The following MTUS1 variants were observed in gnomAD, a reference collection of about 807,000 sequenced individuals.
MTUS1 encodes microtubule-associated tumor suppressor 1.
Under a neutral mutation model 120.8 loss-of-function variants are expected in MTUS1, and 109 were observed. The ratio of observed to expected loss-of-function variants is 0.90; its 90% CI spans 0.77 to 1.06. The LOEUF (loss-of-function observed/expected upper bound fraction) is 1.06. Among genes scored for constraint, MTUS1 ranks in the 50% least tolerant of loss-of-function variants. The pLI, the probability that MTUS1 is intolerant of heterozygous loss-of-function variation, is 0.00. For synonymous variants in MTUS1, 737 were observed against 550.5 expected (o/e 1.34, Z -4.74); for missense variants, 2,210 against 1,486.3 (o/e 1.49, Z -8.01).
intron 1 of MTUS1, among the ~76,000 whole-genome samples, chr8:17,794,442 G>A (rs763470789): frequency 2.6e-5 from 4 of 152,014 alleles, no homozygotes; most frequent in Admixed American, 6.6e-5. Flanking sequence ...TATACACTAC[G>A]TATAAATGAC....
At position 17,741,717 on chromosome 8, in the gene MTUS1, T is replaced by A. The variant is rs2047331986; in HGVS notation, c.2287+1887A>T. On this transcript the variant is annotated intron_variant, in intron 3 of 14. Transcript: ENST00000693296. ...GTACTGGCCTCATTTCTTAAAAGTA[T>A]GTGCGCTTAGATTTTCTGGGATTCA... Among the ~76,000 whole-genome samples, 6 of 152,160 alleles carry A rather than the reference T, an allele frequency of 3.9e-5. No homozygotes were observed. The South Asian group carries it at 1.2e-3, about 31-fold the overall frequency.
At chr8:17,654,831 G>C (rs1807850877) in intron 9 of MTUS1, 165 bp from the exon 10 acceptor site, 3 of 604,846 alleles carry the variant, frequency 5.0e-6, no homozygotes, top group African/African-American at 1.8e-5. Flanking sequence ...GTTCACACTT[G>C]TAACCTCAGC....
At chr8:17,781,106 G>A (rs1309895599) in intron 1 of MTUS1, 2 of 152,174 alleles carry the variant, frequency 1.3e-5, no homozygotes, top group Admixed American at 6.5e-5. Flanking sequence ...ATAAGAGTGT[G>A]CCTGTTTTTG....
intron 8 of MTUS1, among the ~76,000 whole-genome samples, chr8:17,666,282 A>T (rs1242341644): frequency 6.2e-5 from 5 of 80,314 alleles, no homozygotes; most frequent in African/African-American, 1.0e-4. Flanking sequence ...GTTTCAATGT[A>T]AAAAAAAAAA....
chr8:17,684,577 T>C, intron 6 of MTUS1, 35 bp from the exon 7 acceptor site: 1 of 1,540,500 alleles, frequency 6.5e-7, no homozygotes. Flanking sequence ...CAAAGATAGG[T>C]GAGGTTAATT....
intron 3 of MTUS1, among the ~76,000 whole-genome samples, chr8:17,742,440 T>C (rs2047410107): frequency 6.6e-6 from 1 of 152,124 alleles, no homozygotes; most frequent in African/African-American, 2.4e-5. Flanking sequence ...ATCTCACTCA[T>C]GCCTTGACTC....
chr8:17,733,765 T>C (rs999979766), intron 3 of MTUS1, among the ~76,000 whole-genome samples: 2 of 152,210 alleles, frequency 1.3e-5, no homozygotes, highest in Admixed American at 6.5e-5. Flanking sequence ...ATTACTGACT[T>C]TGACCTCAAT....
At chr8:17,685,675 ATAAAC>A (rs1372363347) in intron 6 of MTUS1, among the ~76,000 whole-genome samples, 7 of 139,016 alleles carry the variant, frequency 5.0e-5, no homozygotes, top group Admixed American at 3.7e-4. Flanking sequence ...AATATATTGA[ATAAAC>A]TAAGTTAAAA....
intron 1 of MTUS1, among the ~76,000 whole-genome samples, chr8:17,770,900 C>T (rs1429020541): frequency 6.6e-6 from 1 of 152,140 alleles, no homozygotes; most frequent in Non-Finnish European, 1.5e-5. Context: ...GCACTTTTGC[C>T]TGTCAGATTA....
At chr8:17,795,546 ACT>A (rs1201458887) in intron 1 of MTUS1, among the ~76,000 whole-genome samples, 1 of 151,314 alleles carries the variant, frequency 6.6e-6, no homozygotes, top group Admixed American at 6.6e-5. Flanking sequence ...ATGAGTTCAC[ACT>A]GTGTCCTAGC....
chr8:17,693,126 G>A (rs1171277622), intron 6 of MTUS1: 1 of 152,096 alleles, frequency 6.6e-6, no homozygotes, highest in Admixed American at 6.6e-5. Flanking sequence ...ATGCTAAGTG[G>A]CAGGGAATAT....
At chr8:17,772,172 C>T (rs751069871) in intron 1 of MTUS1, among the ~76,000 whole-genome samples, 72 of 152,104 alleles carry the variant, frequency 4.7e-4, no homozygotes, top group Non-Finnish European at 8.2e-4. Flanking sequence ...AATTTTTATC[C>T]TTGAAATGGC....
At chr8:17,697,216 T>C (rs1818141471) in intron 6 of MTUS1, 3 of 1,545,750 alleles carry the variant, frequency 1.9e-6, no homozygotes, top group Non-Finnish European at 2.6e-6. Context: ...AATGAAGACA[T>C]CCCCCGTGCA....
chr8:17,727,036 G>A (rs2046270354), intron 3 of MTUS1, among the ~76,000 whole-genome samples: 1 of 152,118 alleles, frequency 6.6e-6, no homozygotes, highest in African/African-American at 2.4e-5. Context: ...CTAGAGGAAA[G>A]CTTACCCCGG....
In MTUS1 at chr8:17,756,111, G is replaced by C. The variant is rs560504984; in HGVS notation, c.-154-150C>G. ...GATGTGGGTAACTGAGATATAATCA[G>C]GCAATCTATCACCGCTTTTCAAGAT... is the stretch of plus-strand genomic sequence containing the variant. On this transcript the variant is annotated intron_variant, in intron 1 of 14. Coordinates refer to ENST00000693296, the MANE Select transcript of MTUS1 (RefSeq NM_001363059.2). 2.8e-5 allele frequency: 8 copies of C among 285,142 alleles called. No homozygotes were observed. In the East Asian group the frequency reaches 6.5e-4, roughly 23 times the overall value. The allele number at this position is 285,142 out of a possible 1,614,324, so 17.7% of individuals were successfully genotyped here.
intron 1 of MTUS1, among the ~76,000 whole-genome samples, chr8:17,790,338 A>T (rs2051669501): frequency 9.9e-6 from 1 of 101,048 alleles, no homozygotes; most frequent in Non-Finnish European, 2.4e-5. Flanking sequence ...ACAGAGCAAG[A>T]TTCCCTTTCA....
intron 6 of MTUS1, among the ~76,000 whole-genome samples, chr8:17,686,455 A>T (rs1046137946): frequency 6.6e-6 from 1 of 152,200 alleles, no homozygotes; most frequent in African/African-American, 2.4e-5. Context: ...TTCTTTCACT[A>T]TCTAGAATTT....
chr8:17,776,305 G>C (rs661768), intron 1 of MTUS1, among the ~76,000 whole-genome samples: 8 of 151,990 alleles, frequency 5.3e-5, no homozygotes, highest in African/African-American at 1.9e-4. Flanking sequence ...AACGAACTTA[G>C]GCATTCTCAG....
chr8:17,755,693 A>G lies in MTUS1; in HGVS notation c.115T>C (p.Ser39Pro). ...YNPKSPPTQNSSASSVNWNSA... is the reference protein window; with the variant it reads ...YNPKSPPTQNPSASSVNWNSA... ...TTCCAGTTCACACTGCTGGCTGAAG[A>G]GTTTTGTGTAGGTGGTGATTTCGGG... Residue 39 changes from serine (S) to proline (P), a missense_variant, in exon 2 of 15, where the codon TCT becomes CCT. Coordinates refer to ENST00000693296, the MANE Select transcript of MTUS1 (RefSeq NM_001363059.2). 6.2e-7 allele frequency: 1 copy of G among 1,614,104 alleles called. No homozygotes were observed. Among genetic ancestry groups the G allele is most frequent in the Non-Finnish European group, 8.5e-7 (1 of 1,180,002 alleles).
Sources: allele counts gnomAD v4.1 joint callset (sites outside exome capture counted in the v4.1 genomes callset), GRCh38; gene constraint gnomAD v4.1.1; transcripts MANE v1.5; gene names NCBI Gene and HGNC (gene_info 2026-07-23, HGNC 2026-07-21).